Variants in EXT2 observed in about 807,000 individuals in gnomAD.
EXT2 encodes the protein exostosin glycosyltransferase 2.
EXT2 carries 53 observed loss-of-function variants against 81.6 expected under a neutral mutation model. That is an observed-to-expected ratio of 0.65 (90% CI 0.52 to 0.82). EXT2 has a LOEUF of 0.82. Among genes scored for constraint, EXT2 ranks in the 40% least tolerant of loss-of-function variants. EXT2 has a pLI of 0.00. For missense variants in EXT2, 774 were observed against 910.2 expected, an observed-to-expected ratio of 0.85 and a Z score of 1.93; for synonymous variants, 320 against 340.0, an observed-to-expected ratio of 0.94 and a Z score of 0.65.
At chr11:44,101,973 C>G (rs1281636362) in intron 1 of EXT2, among the ~76,000 whole-genome samples, 1 of 150,288 alleles carries the variant, frequency 6.7e-6, no homozygotes. Flanking sequence ...AAATTAAGAG[C>G]TGGCACGTGG....
chr11:44,233,204 G>A lies in EXT2; in HGVS notation c.1806+708G>A, dbSNP rs946217105. ...GCATATATATGTTGTGTATGTATAC[G>A]TGTGTGTGTGTCTGTTGGTTTCAGG... On this transcript the variant is annotated intron_variant, in intron 11 of 13. Transcript: ENST00000533608. Among the ~76,000 whole-genome samples the A allele has an allele frequency of 5.9e-5, 9 of 151,868 alleles. No individual in the cohort carries two copies. In the East Asian group the frequency reaches 1.3e-3, roughly 23 times the overall value.
At chr11:44,109,929 T>C (rs1044878851) in intron 3 of EXT2, among the ~76,000 whole-genome samples, 1 of 152,152 alleles carries the variant, frequency 6.6e-6, no homozygotes, top group Non-Finnish European at 1.5e-5. Flanking sequence ...GGTATGAGCT[T>C]TCTTGGAAAG....
intron 7 of EXT2, among the ~76,000 whole-genome samples, chr11:44,167,270 T>C (rs1440620382): frequency 6.6e-6 from 1 of 152,108 alleles, no homozygotes; most frequent in Non-Finnish European, 1.5e-5. Context: ...GTTTGCCAAC[T>C]CCTAAGGTAC....
chr11:44,187,186 C>T (rs980972226), intron 8 of EXT2, among the ~76,000 whole-genome samples: 2 of 151,918 alleles, frequency 1.3e-5, no homozygotes, highest in South Asian at 2.1e-4. Flanking sequence ...TATAGGTGTG[C>T]ACCACATGCC....
intron 4 of EXT2, 148 bp downstream of exon 4, chr11:44,114,449 A>G: frequency 2.6e-6 from 2 of 769,258 alleles, no homozygotes; most frequent in Non-Finnish European, 2.3e-6. Context: ...TCCCACCTCC[A>G]TGCAGTCTCA....
rs1054857466 is a variant in EXT2 at position 44,203,965 on chromosome 11, G to A, written c.1496-2828G>A. On this transcript the variant is annotated intron_variant, in intron 9 of 13. Transcript: ENST00000533608. ...CTGAGAGGCAATAAAGTGATAAGTG[G>A]CACACTTAGTTTCTTTAAGCATTCT... Among the ~76,000 whole-genome samples, 9 of 152,302 alleles carry A rather than the reference G, an allele frequency of 5.9e-5. No individual in the cohort carries two copies. The South Asian group carries it at 1.7e-3, about 28-fold the overall frequency.
chr11:44,246,560 G>A lies in EXT2; in HGVS notation c.*2273G>A, dbSNP rs1007387952. Among the ~76,000 whole-genome samples, 4 of 152,128 alleles carry A rather than the reference G, an allele frequency of 2.6e-5. No individual in the cohort carries two copies. Among genetic ancestry groups the A allele is most frequent in the African/African-American group, 9.7e-5 (4 of 41,414 alleles). On this transcript the variant is annotated 3_prime_UTR_variant, in exon 14 of 14. Coordinates refer to ENST00000533608, the MANE Select transcript of EXT2 (RefSeq NM_207122.2). Reference sequence around the variant, plus strand: ...CTCATTACTCCCAGGAATATTGGGTGTTAGATCTTGCAACACAGCATAAAA... The same window carrying A: ...CTCATTACTCCCAGGAATATTGGGTATTAGATCTTGCAACACAGCATAAAA...
chr11:44,220,109 T>C lies in EXT2; in HGVS notation c.1663-12244T>C, dbSNP rs1393780153. On this transcript the variant is annotated intron_variant, in intron 10 of 13. Transcript: ENST00000533608. The surrounding 1 kb of genome is among the most constrained non-coding windows in gnomAD (Gnocchi z 4.4). ...ACGGCTGCTGGTGTGTTGCTGGTGCTGGAATTCACAGTGAGCCAGGCCTGG... is the reference window on the plus strand; with the variant it reads ...ACGGCTGCTGGTGTGTTGCTGGTGCCGGAATTCACAGTGAGCCAGGCCTGG... Among the ~76,000 whole-genome samples the C allele has an allele frequency of 2.0e-5, 3 of 152,200 alleles. No homozygotes were observed. Among genetic ancestry groups the C allele is most frequent in the Non-Finnish European group, 4.4e-5 (3 of 68,042 alleles).
intron 7 of EXT2, among the ~76,000 whole-genome samples, chr11:44,164,709 A>G (rs1464991632): frequency 6.6e-6 from 1 of 152,180 alleles, no homozygotes; most frequent in Non-Finnish European, 1.5e-5. Flanking sequence ...TGTGTTTTAT[A>G]AACAAAATCA....
intron 8 of EXT2, among the ~76,000 whole-genome samples, chr11:44,178,598 C>T (rs1004338683): frequency 6.6e-6 from 1 of 152,130 alleles, no homozygotes; most frequent in African/African-American, 2.4e-5. Context: ...CAATAAATCA[C>T]TCTGCAAGCT....
At chr11:44,180,802 A>G (rs1488524693) in intron 8 of EXT2, among the ~76,000 whole-genome samples, 1 of 152,092 alleles carries the variant, frequency 6.6e-6, no homozygotes, top group Non-Finnish European at 1.5e-5. Context: ...GTCACCTTAC[A>G]TGTCCTAAAG....
At chr11:44,103,530 C>G (rs1184115105) in intron 1 of EXT2, among the ~76,000 whole-genome samples, 1 of 152,176 alleles carries the variant, frequency 6.6e-6, no homozygotes, top group Non-Finnish European at 1.5e-5. Context: ...ATTTGCTAGC[C>G]TCCTAAACTG....
chr11:44,242,782 T>C (rs559492016), intron 13 of EXT2, among the ~76,000 whole-genome samples: 24 of 152,284 alleles, frequency 1.6e-4, no homozygotes, highest in African/African-American at 5.8e-4. Flanking sequence ...ATAAGTACAT[T>C]TGTATCATCT....
intron 8 of EXT2, among the ~76,000 whole-genome samples, chr11:44,191,313 T>C (rs1955388769): frequency 6.6e-6 from 1 of 152,194 alleles, no homozygotes; most frequent in African/African-American, 2.4e-5. Context: ...GGCCAGCACA[T>C]TGTCAGAATA....
At chr11:44,201,125 A>G (rs900131605) in intron 9 of EXT2, among the ~76,000 whole-genome samples, 2 of 152,260 alleles carry the variant, frequency 1.3e-5, no homozygotes, top group Non-Finnish European at 2.9e-5. Context: ...ATAGGTTCAC[A>G]GGATGAGACA....
At chr11:44,144,342 A>G (rs1041677329) in intron 7 of EXT2, 1 of 1,596,770 alleles carries the variant, frequency 6.3e-7, no homozygotes, top group South Asian at 1.1e-5. Context: ...ATTCACAGGC[A>G]TGGGTGACTT....
chr11:44,246,324 A>T lies in EXT2; in HGVS notation c.*2037A>T, dbSNP rs1956093377. On this transcript the variant is annotated 3_prime_UTR_variant, in exon 14 of 14. Transcript: ENST00000533608. Reference sequence around the variant, plus strand: ...TTTCTGCCCTTTTGCTCATCATCGAATGCACTACCTTAGTGGCTGGTTTCT... The same window carrying T: ...TTTCTGCCCTTTTGCTCATCATCGATTGCACTACCTTAGTGGCTGGTTTCT... Among the ~76,000 whole-genome samples the T allele has an allele frequency of 1.3e-5, 2 of 152,178 alleles. No homozygotes were observed. Among genetic ancestry groups the T allele is most frequent in the South Asian group, 4.1e-4 (2 of 4,832 alleles).
chr11:44,171,777 GGT>G, intron 8 of EXT2, 35 bp downstream of exon 8: 1 of 1,613,208 alleles, frequency 6.2e-7, no homozygotes, highest in South Asian at 1.1e-5. Flanking sequence ...CATGAGGCAT[GGT>G]CCAGCTGTCA....
At chr11:44,207,861 C>T (rs1366603538) in intron 10 of EXT2, among the ~76,000 whole-genome samples, 1 of 151,900 alleles carries the variant, frequency 6.6e-6, no homozygotes, top group Non-Finnish European at 1.5e-5. Context: ...GGAATCCCCT[C>T]CCCCCCGACA....
Sources: gnomAD v4.1 joint callset for allele counts (sites outside exome capture counted in the v4.1 genomes callset) on GRCh38, gnomAD v4.1.1 for gene constraint, Gnocchi (gnomAD v3.1) non-coding constraint, MANE v1.5 for transcripts, NCBI Gene and HGNC (gene_info 2026-07-23, HGNC 2026-07-21) for gene names.